KIAA1217: variants seen among roughly 807,000 people sequenced by gnomAD.
KIAA1217 encodes KIAA1217, also known as sickle tail protein homolog.
In KIAA1217, 88 loss-of-function variants were observed where a neutral mutation model predicts 163.9. That is an observed-to-expected ratio of 0.54 (90% CI 0.45 to 0.64). KIAA1217 has a LOEUF of 0.64. Ranked by LOEUF, KIAA1217 falls within the 30% of genes least tolerant of loss-of-function variation. The pLI, the probability that KIAA1217 is intolerant of heterozygous loss-of-function variation, is 0.00. For missense variants in KIAA1217, 2,372 were observed against 2,475.0 expected (o/e 0.96, Z 0.88); for synonymous variants, 903 against 923.1 (o/e 0.98, Z 0.39).
intron 1 of KIAA1217, among the ~76,000 whole-genome samples, chr10:23,858,609 A>G (rs959950147): frequency 6.6e-6 from 1 of 152,272 alleles, no homozygotes; most frequent in Admixed American, 6.5e-5. Flanking sequence ...TATCATAAAA[A>G]TGATTCTGTT....
chr10:24,456,157 A>T (rs1224416680), intron 5 of KIAA1217, among the ~76,000 whole-genome samples: 1 of 152,228 alleles, frequency 6.6e-6, no homozygotes, highest in African/African-American at 2.4e-5. Flanking sequence ...AAGTGCTGGG[A>T]CTACAGGCGT....
At chr10:23,766,504 T>A (rs1179388005) in intron 1 of KIAA1217, among the ~76,000 whole-genome samples, 5 of 152,218 alleles carry the variant, frequency 3.3e-5, no homozygotes, top group Non-Finnish European at 1.5e-5. Context: ...TATCACTATG[T>A]GCTCAAGTTA....
At chr10:24,225,338 G>C (rs2070372399) in intron 2 of KIAA1217, among the ~76,000 whole-genome samples, 1 of 151,968 alleles carries the variant, frequency 6.6e-6, no homozygotes, top group Admixed American at 6.6e-5. Flanking sequence ...TGCCCAGATT[G>C]GTCTTCAAAG....
chr10:23,830,821 T>TACACAC (rs139183459), intron 1 of KIAA1217, among the ~76,000 whole-genome samples: 2,661 of 147,520 alleles, frequency 0.018, 67 homozygotes, highest in African/African-American at 0.06. Flanking sequence ...GATATATGTG[T>TACACAC]ACACACACAC....
intron 2 of KIAA1217, among the ~76,000 whole-genome samples, chr10:24,253,011 AG>A (rs925103132): frequency 1.4e-5 from 2 of 139,594 alleles, no homozygotes; most frequent in Non-Finnish European, 3.1e-5. Context: ...AAAAAAAAAA[AG>A]AAATAGGATT....
At chr10:24,188,684 G>A (rs188549384) in intron 2 of KIAA1217, among the ~76,000 whole-genome samples, 4 of 152,144 alleles carry the variant, frequency 2.6e-5, no homozygotes, top group Admixed American at 6.5e-5. Flanking sequence ...CAAGTGTAAC[G>A]TGTTTGTCCT....
chr10:23,782,832 G>A (rs368457418), intron 1 of KIAA1217, among the ~76,000 whole-genome samples: 7 of 152,038 alleles, frequency 4.6e-5, no homozygotes, highest in South Asian at 2.1e-4. Flanking sequence ...TTAATTACTC[G>A]TTATTATCTG....
chr10:23,914,651 G>A (rs764356449), intron 1 of KIAA1217, among the ~76,000 whole-genome samples: 2 of 152,072 alleles, frequency 1.3e-5, no homozygotes, highest in Non-Finnish European at 2.9e-5. Flanking sequence ...ACCCAGCCCC[G>A]TGGCTCTATG....
chr10:24,114,872 C>T (rs1037190706), intron 2 of KIAA1217, among the ~76,000 whole-genome samples: 4 of 152,188 alleles, frequency 2.6e-5, no homozygotes, highest in African/African-American at 7.2e-5. Flanking sequence ...TTGCTAACTA[C>T]GCCACATCAG....
intron 1 of KIAA1217, among the ~76,000 whole-genome samples, chr10:23,756,892 G>A (rs963534993): frequency 1.3e-5 from 2 of 152,234 alleles, no homozygotes; most frequent in South Asian, 2.1e-4. Context: ...TTGCAAAGTC[G>A]AAATGCTATA....
chr10:24,065,417 G>A (rs955783852), intron 2 of KIAA1217, among the ~76,000 whole-genome samples: 75 of 152,224 alleles, frequency 4.9e-4, no homozygotes, highest in African/African-American at 1.7e-3. Flanking sequence ...AGTCATTCAG[G>A]AGCAGGTTGT....
intron 2 of KIAA1217, among the ~76,000 whole-genome samples, chr10:24,316,335 G>A (rs1435679868): frequency 6.6e-6 from 1 of 152,198 alleles, no homozygotes; most frequent in African/African-American, 2.4e-5. Flanking sequence ...CAGTTTGCAG[G>A]CATGGAAGGA....
At position 24,004,170 on chromosome 10, in the gene KIAA1217, G is replaced by A. The variant is rs374085948; in HGVS notation, c.-320-3055G>A. Among the ~76,000 whole-genome samples the A allele has an allele frequency of 5.3e-5, 8 of 152,024 alleles. No homozygotes were observed. The East Asian group carries it at 1.6e-3, about 30-fold the overall frequency. Reference sequence around the variant, plus strand: ...AATTTTTGTATTTTAGTAGAGACGGGGTTTCACTATGTTGGTCAGGCTGGT... The same window carrying A: ...AATTTTTGTATTTTAGTAGAGACGGAGTTTCACTATGTTGGTCAGGCTGGT... On this transcript the variant is annotated intron_variant, in intron 1 of 18. Transcript: ENST00000376462.
At chr10:24,472,582 A>G (rs1040830491) in intron 5 of KIAA1217, among the ~76,000 whole-genome samples, 5 of 152,174 alleles carry the variant, frequency 3.3e-5, no homozygotes, top group Admixed American at 2.0e-4. Flanking sequence ...CAGCATCTCT[A>G]AGAAGCTGTG....
chr10:24,376,128 A>T (rs1166543959), intron 2 of KIAA1217, among the ~76,000 whole-genome samples: 1 of 152,360 alleles, frequency 6.6e-6, no homozygotes, highest in East Asian at 1.9e-4. Context: ...ACCGTCTTTT[A>T]AAAATTAATG....
At chr10:24,158,039 G>A (rs1589713320) in intron 2 of KIAA1217, 3 of 759,500 alleles carry the variant, frequency 3.9e-6, no homozygotes, top group Non-Finnish European at 7.3e-6. Context: ...TTTACTTGCA[G>A]GTGGGTCACC....
At chr10:24,365,146 A>C (rs2050600518) in intron 2 of KIAA1217, among the ~76,000 whole-genome samples, 1 of 152,118 alleles carries the variant, frequency 6.6e-6, no homozygotes, top group Admixed American at 6.5e-5. Context: ...TGTCTAAAGC[A>C]ATGGCTGTAG....
intron 1 of KIAA1217, among the ~76,000 whole-genome samples, chr10:23,879,155 G>A (rs761631742): frequency 6.6e-6 from 1 of 151,914 alleles, no homozygotes; most frequent in Non-Finnish European, 1.5e-5. Context: ...ATTTAAAGTA[G>A]TTGTTCTCAA....
chr10:23,962,567 A>T (rs113422720), intron 1 of KIAA1217, among the ~76,000 whole-genome samples: 74 of 152,238 alleles, frequency 4.9e-4, no homozygotes, highest in Non-Finnish European at 8.8e-4. Context: ...TGACTGAAAG[A>T]TACTATATAT....
Sources: allele counts gnomAD v4.1 joint callset (sites outside exome capture counted in the v4.1 genomes callset), GRCh38; gene constraint gnomAD v4.1.1; transcripts MANE v1.5; gene names NCBI Gene and HGNC (gene_info 2026-07-23, HGNC 2026-07-21).